NKAIN4: variants seen among roughly 807,000 people sequenced by gnomAD.
NKAIN4 encodes the protein sodium/potassium transporting ATPase interacting 4, also known as sodium/potassium-transporting ATPase subunit beta-1-interacting protein 4.
Under a neutral mutation model 28.8 loss-of-function variants are expected in NKAIN4, and 28 were observed. That is an observed-to-expected ratio of 0.97 (90% confidence interval 0.72 to 1.33). NKAIN4 has a LOEUF of 1.33. Ranked by LOEUF, NKAIN4 falls within the 40% of genes most tolerant of loss-of-function variation. The pLI, the probability that NKAIN4 is intolerant of heterozygous loss-of-function variation, is 0.00. For synonymous variants in NKAIN4, 122 were observed against 115.6 expected (o/e 1.06, Z -0.36); for missense variants, 289 against 277.2 (o/e 1.04, Z -0.30).
chr20:63,252,556 C>T lies in NKAIN4; in HGVS notation c.54+1841G>A, dbSNP rs2066980121. On this transcript the variant is annotated intron_variant, in intron 1 of 6. Coordinates refer to ENST00000370316, the MANE Select transcript of NKAIN4 (RefSeq NM_152864.4). The surrounding 1 kb of genome is among the most constrained non-coding windows in gnomAD (Gnocchi z 4.6). ...AGAGCTGTGGTCAAGGACTCTTCTT[C>T]CCCAAGGCAGAGGAGGCACAGTGGG... Among the ~76,000 whole-genome samples, 1 of 152,152 alleles carries T rather than the reference C, an allele frequency of 6.6e-6. No homozygotes were observed. Among genetic ancestry groups the T allele is most frequent in the Non-Finnish European group, 1.5e-5 (1 of 68,016 alleles).
intron 4 of NKAIN4, chr20:63,247,101 C>T (rs989591407): frequency 1.8e-5 from 19 of 1,039,976 alleles, no homozygotes; most frequent in South Asian, 1.3e-4. Context: ...CAGATGCATA[C>T]GCCAGGGTTC....
intron 5 of NKAIN4, chr20:63,243,783 A>G: frequency 2.2e-6 from 1 of 457,648 alleles, no homozygotes; most frequent in Non-Finnish European, 4.0e-6. Context: ...CCCAAAGCAC[A>G]GGAGTCCTTG....
chr20:63,254,542 GC>G, upstream of NKAIN4: 1 of 861,344 alleles, frequency 1.2e-6, no homozygotes, highest in South Asian at 4.6e-5. Flanking sequence ...CCTGGACCCC[GC>G]CCCCTCCGCA....
chr20:63,245,745 G>A lies in NKAIN4; in HGVS notation c.472-1661C>T, dbSNP rs570473920. Among the ~76,000 whole-genome samples the A allele has an allele frequency of 5.9e-5, 9 of 152,142 alleles. No individual in the cohort carries two copies. The highest frequency in any genetic ancestry group is 1.9e-4 in the East Asian group (1 of 5,166). On this transcript the variant is annotated intron_variant, in intron 4 of 6. Coordinates refer to ENST00000370316, the MANE Select transcript of NKAIN4 (RefSeq NM_152864.4). This position sits in a 1 kb window ranked among gnomAD's most constrained non-coding sequence, Gnocchi z 4.7. ...CAAACAGCAGGGGCGAGATCCTAGC[G>A]AGGACTAGCTGGCTGGAATTTAGAA...
chr20:63,247,350 G>A (rs2066877855), intron 4 of NKAIN4: 1 of 1,500,476 alleles, frequency 6.7e-7, no homozygotes. Context: ...AAGCGCCTGG[G>A]TTGGCCCCGC....
At chr20:63,247,405 A>G (rs1408437964) in intron 4 of NKAIN4, 173 bp downstream of exon 4, 1 of 1,534,262 alleles carries the variant, frequency 6.5e-7, no homozygotes, top group Admixed American at 2.0e-5. Context: ...TGCCAGCCAC[A>G]TGGGACCCAC....
intron 5 of NKAIN4, among the ~76,000 whole-genome samples, chr20:63,242,996 T>C (rs3818202): frequency 0.51 from 77,918 of 151,984 alleles, 20,599 homozygotes; most frequent in East Asian, 0.85. Context: ...GTGCAGGGGC[T>C]GCACCGTGTT....
chr20:63,249,695 GT>G (rs1270922718), intron 2 of NKAIN4, among the ~76,000 whole-genome samples: 2 of 152,162 alleles, frequency 1.3e-5, no homozygotes, highest in Non-Finnish European at 2.9e-5. Flanking sequence ...AAGGCGTTCA[GT>G]GCCTGGGGCC....
intron 1 of NKAIN4, chr20:63,253,128 TC>T (rs148974632): frequency 0.085 from 73,452 of 860,256 alleles, 3,406 homozygotes; most frequent in Middle Eastern, 0.12. Flanking sequence ...ACTGGAGTCT[TC>T]GAGTGCCCAC....
At chr20:63,248,549 A>T in intron 3 of NKAIN4, 1 of 442,124 alleles carries the variant, frequency 2.3e-6, no homozygotes, top group Non-Finnish European at 4.2e-6. Flanking sequence ...CCCTGCTCTG[A>T]GGCCCCTCTT....
In NKAIN4 at chr20:63,250,009, T is replaced by G. The variant is rs1448044760; in HGVS notation, c.118A>C (p.Asn40His). The change falls in exon 2 of 7, where the codon AAC (asparagine) becomes CAC (histidine). Residue 40 changes from asparagine (N) to histidine (H), a missense_variant. Coordinates refer to ENST00000370316, the MANE Select transcript of NKAIN4 (RefSeq NM_152864.4). ...ATGACGATGATGATGTGGACAAAGT[T>G]GGCCAGGATGGGCGCCCACTGGTAG... Reference protein sequence around the residue: ...LGYQWAPILANFVHIIIVILG... With the variant: ...LGYQWAPILAHFVHIIIVILG... The G allele has an allele frequency of 6.2e-7, 1 of 1,610,876 alleles. No homozygotes were observed. The highest frequency in any genetic ancestry group is 2.2e-5 in the East Asian group (1 of 44,660).
intron 1 of NKAIN4, among the ~76,000 whole-genome samples, chr20:63,250,705 G>A (rs2066942279): frequency 6.6e-6 from 1 of 152,158 alleles, no homozygotes; most frequent in African/African-American, 2.4e-5. Flanking sequence ...GGGGGGGAGG[G>A]AAAGGTGCCT....
intron 4 of NKAIN4, chr20:63,246,443 G>T: frequency 1.1e-6 from 1 of 950,126 alleles, no homozygotes; most frequent in Non-Finnish European, 1.3e-6. Flanking sequence ...CCTTGCTATG[G>T]GGCAGCACCT....
intron 1 of NKAIN4, 27 bp from the exon 2 acceptor site, chr20:63,250,099 G>A (rs2066930670): frequency 2.6e-6 from 4 of 1,543,208 alleles, no homozygotes; most frequent in African/African-American, 1.4e-5. Context: ...CGCCATGAAG[G>A]GTGGACCCGA....
intron 1 of NKAIN4, 141 bp downstream of exon 1, chr20:63,254,255 CG>C: frequency 1.6e-6 from 1 of 635,346 alleles, no homozygotes; most frequent in Non-Finnish European, 2.3e-6. Flanking sequence ...CGTAGCAGCC[CG>C]GGGTCCGAGG....
chr20:63,254,504 C>A (rs957160259), upstream of NKAIN4: 46 of 1,204,360 alleles, frequency 3.8e-5, no homozygotes, highest in Non-Finnish European at 4.7e-5. Context: ...CCCCCGCCCC[C>A]GCTCCGCCCG....
rs766396517 is a variant in NKAIN4 at position 63,250,055 on chromosome 20, C to T, written c.72G>A (p.Arg24=). The change falls in exon 2 of 7, where the codon AGG becomes AGA. Residue 24 remains arginine (R), a synonymous_variant. Coordinates refer to ENST00000370316, the MANE Select transcript of NKAIN4 (RefSeq NM_152864.4). The part of the protein sequence containing the change: ...CAFQLVAALE[R]QVFDFLGYQW... ...GGTAGCCCAGGAAGTCAAACACCTG[C>T]CTCTCCAGGGCGGCGACCTAGGAGC... The T allele has an allele frequency of 5.0e-6, 8 of 1,586,162 alleles. No individual in the cohort carries two copies. Among genetic ancestry groups the T allele is most frequent in the South Asian group, 2.3e-5 (2 of 87,666 alleles).
rs896243759 is a variant in NKAIN4, at chr20:63,252,353, C to T, written c.54+2044G>A. On this transcript the variant is annotated intron_variant, in intron 1 of 6. Coordinates refer to ENST00000370316, the MANE Select transcript of NKAIN4 (RefSeq NM_152864.4). This position sits in a 1 kb window ranked among gnomAD's most constrained non-coding sequence, Gnocchi z 4.6. ...CCTGGGAATTGGACGCAGCACAGCC[C>T]GGCTCAGAGCCAGCAAAGTTCACAC... Among the ~76,000 whole-genome samples the T allele has an allele frequency of 5.2e-4, 79 of 152,062 alleles. 1 individual carries two copies. Among genetic ancestry groups the T allele is most frequent in the South Asian group, 2.1e-4 (1 of 4,806 alleles).
intron 4 of NKAIN4, chr20:63,244,592 G>A: frequency 2.1e-6 from 1 of 469,112 alleles, no homozygotes; most frequent in South Asian, 1.5e-5. Flanking sequence ...GAGGACTCGG[G>A]GTCCAGCGGG....
Sources: gnomAD v4.1 joint callset for allele counts (sites outside exome capture counted in the v4.1 genomes callset) on GRCh38, gnomAD v4.1.1 for gene constraint, Gnocchi (gnomAD v3.1) non-coding constraint, MANE v1.5 for transcripts, NCBI Gene and HGNC (gene_info 2026-07-23, HGNC 2026-07-21) for gene names.